TM9SF3: variants seen among roughly 807,000 people sequenced by gnomAD.
TM9SF3 encodes transmembrane 9 superfamily member 3, also known as SM-11044-binding protein.
In TM9SF3, 14 loss-of-function variants were observed where a neutral mutation model predicts 78.6. The ratio of observed to expected loss-of-function variants is 0.18; its 90% CI spans 0.12 to 0.28. The LOEUF is 0.28. Ranked by LOEUF, TM9SF3 falls within the 10% of genes least tolerant of loss-of-function variation. The pLI, the probability that TM9SF3 is intolerant of heterozygous loss-of-function variation, is 1.00. For synonymous variants in TM9SF3, 231 were observed against 241.7 expected (o/e 0.96, Z 0.41); for missense variants, 496 against 721.9 (o/e 0.69, Z 3.59).
Position 96,521,346 on chromosome 10 carries a change from ACCC to A in TM9SF3, c.*914_*916del, listed in dbSNP as rs961043085. On this transcript the variant is annotated 3_prime_UTR_variant, in exon 15 of 15. Coordinates refer to ENST00000371142, the MANE Select transcript of TM9SF3 (RefSeq NM_020123.4). ...TTAATGTTATATACATTTATTACCC[ACCC>A]CCCTTGTTTTTAATAATTTCTTATG... The A allele has an allele frequency of 6.5e-6, 1 of 153,258 alleles. No homozygotes were observed. Among genetic ancestry groups the A allele is most frequent in the Admixed American group, 6.6e-5 (1 of 15,160 alleles). 9.5% of individuals were successfully genotyped at this position (153,258 alleles called of 1,614,324 possible).
At chr10:96,532,596 T>C (rs1368596928) in intron 10 of TM9SF3, among the ~76,000 whole-genome samples, 2 of 152,192 alleles carry the variant, frequency 1.3e-5, no homozygotes, top group African/African-American at 4.8e-5. Context: ...TCTGGAAAGA[T>C]AGTAAATATT....
chr10:96,536,350 C>CA (rs1370703325), intron 9 of TM9SF3, among the ~76,000 whole-genome samples: 2 of 151,766 alleles, frequency 1.3e-5, no homozygotes, highest in Non-Finnish European at 1.5e-5. Context: ...ACATACAGAT[C>CA]AAAAAAGAGA....
At chr10:96,531,834 G>A (rs983852434) in intron 10 of TM9SF3, among the ~76,000 whole-genome samples, 5 of 152,076 alleles carry the variant, frequency 3.3e-5, no homozygotes, top group Admixed American at 6.5e-5. Flanking sequence ...TTCTGACTAT[G>A]CTTTTCCTTT....
In TM9SF3 at chr10:96,544,080, G is replaced by C. The variant is rs752522052; in HGVS notation, c.1181C>G (p.Thr394Arg). ...YHASRAIPFG[T>R]MVAVCCICFF... ...AGTAAGATTCAAGCAACTCACCATT[G>C]TTCCAAAAGGAATGGCTCTTGAAGC... Residue 394 changes from threonine (T) to arginine (R), a missense_variant, in exon 9 of 15, where the codon ACA becomes AGA. By Grantham distance (71) the Thr-to-Arg change is moderately conservative. Transcript: ENST00000371142. 1.9e-6 allele frequency: 3 copies of C among 1,607,044 alleles called. No homozygotes were observed. The highest frequency in any genetic ancestry group is 1.7e-6 in the Non-Finnish European group (2 of 1,177,834).
At chr10:96,565,576 G>A (rs1589459527) in intron 2 of TM9SF3, 150 bp from the exon 3 acceptor site, 5 of 827,022 alleles carry the variant, frequency 6.0e-6, no homozygotes, top group Non-Finnish European at 8.8e-6. Context: ...TGTGGGTTCA[G>A]TGTACTATTC....
At chr10:96,559,222 G>T (rs1288867262) in intron 5 of TM9SF3, among the ~76,000 whole-genome samples, 1 of 152,190 alleles carries the variant, frequency 6.6e-6, no homozygotes, top group East Asian at 1.9e-4. Context: ...AAGTGCCCAT[G>T]TAGGGAAGCC....
At chr10:96,549,516 G>C (rs1430649118) in intron 7 of TM9SF3, among the ~76,000 whole-genome samples, 1 of 152,112 alleles carries the variant, frequency 6.6e-6, no homozygotes, top group African/African-American at 2.4e-5. Context: ...CTGTAGAATG[G>C]AAATAGAATA....
At chr10:96,550,745 G>GA (rs1554946364) in intron 7 of TM9SF3, among the ~76,000 whole-genome samples, 1 of 151,110 alleles carries the variant, frequency 6.6e-6, no homozygotes, top group Non-Finnish European at 1.5e-5. Context: ...TGACCTAGGA[G>GA]TTTTTTTTTC....
At chr10:96,531,625 G>A (rs1679771897) in intron 10 of TM9SF3, among the ~76,000 whole-genome samples, 1 of 152,140 alleles carries the variant, frequency 6.6e-6, no homozygotes, top group South Asian at 2.1e-4. Flanking sequence ...AGACACAGAG[G>A]TTAAAAGTGA....
At chr10:96,570,676 T>C (rs111378230) in intron 2 of TM9SF3, among the ~76,000 whole-genome samples, 20 of 152,132 alleles carry the variant, frequency 1.3e-4, no homozygotes, top group African/African-American at 4.8e-4. Context: ...TTAAAACCCA[T>C]TAAAATGTCA....
intron 1 of TM9SF3, among the ~76,000 whole-genome samples, chr10:96,585,392 A>T (rs1848617847): frequency 6.6e-6 from 1 of 152,232 alleles, no homozygotes; most frequent in South Asian, 2.1e-4. Flanking sequence ...GAGACAGCTT[A>T]TCTGATGAAA....
In TM9SF3 at chr10:96,562,216, GTTTTTTTTTT is replaced by G; in HGVS notation, c.422-88_422-79del. On this transcript the variant is annotated intron_variant, in intron 3 of 14. Transcript: ENST00000371142. ...ATCCTACAAGCTAAATGCTCATTAA[GTTTTTTTTTT>G]TTTTTTTTTTACCTCCGCCCTCTCT... 3 of 560,868 alleles carry G rather than the reference GTTTTTTTTTT, an allele frequency of 5.3e-6. No individual in the cohort carries two copies. The South Asian group carries it at 6.8e-5, about 13-fold the overall frequency. The allele number at this position is 560,868 out of a possible 1,614,324, so 34.7% of individuals were successfully genotyped here.
intron 14 of TM9SF3, among the ~76,000 whole-genome samples, chr10:96,524,571 A>G (rs1413556673): frequency 6.6e-6 from 1 of 151,914 alleles, no homozygotes; most frequent in African/African-American, 2.4e-5. Flanking sequence ...TCAAGAATAA[A>G]CTTACAAGGG....
chr10:96,568,773 A>C (rs780646545), intron 2 of TM9SF3, among the ~76,000 whole-genome samples: 2 of 152,122 alleles, frequency 1.3e-5, no homozygotes, highest in Non-Finnish European at 2.9e-5. Flanking sequence ...GGTGAGGTTT[A>C]TTCTGAGCTC....
At chr10:96,539,702 T>C (rs1453292921) in intron 9 of TM9SF3, among the ~76,000 whole-genome samples, 1 of 152,188 alleles carries the variant, frequency 6.6e-6, no homozygotes, top group Non-Finnish European at 1.5e-5. Context: ...TTATCATATG[T>C]TAATTTTACC....
chr10:96,573,004 C>T (rs549295735), intron 2 of TM9SF3, among the ~76,000 whole-genome samples: 2 of 152,204 alleles, frequency 1.3e-5, no homozygotes, highest in African/African-American at 4.8e-5. Flanking sequence ...TGGAGCCTGA[C>T]ACAGTCTAAT....
At chr10:96,545,354 AG>A (rs1229947808) in intron 8 of TM9SF3, among the ~76,000 whole-genome samples, 1 of 152,246 alleles carries the variant, frequency 6.6e-6, no homozygotes, top group Non-Finnish European at 1.5e-5. Flanking sequence ...CATCTGTTAC[AG>A]AATTATTACC....
chr10:96,552,057 TG>T (rs1353042507), intron 6 of TM9SF3, among the ~76,000 whole-genome samples: 3 of 152,156 alleles, frequency 2.0e-5, no homozygotes, highest in African/African-American at 7.2e-5. Context: ...TCTGTTTTGG[TG>T]GGGAGAATCC....
At chr10:96,525,067 C>T (rs1430783636) in intron 14 of TM9SF3, among the ~76,000 whole-genome samples, 1 of 151,920 alleles carries the variant, frequency 6.6e-6, no homozygotes, top group Non-Finnish European at 1.5e-5. Flanking sequence ...TCTGGGTCTT[C>T]CTAAGATCAC....
Sources: allele counts gnomAD v4.1 joint callset (sites outside exome capture counted in the v4.1 genomes callset), GRCh38; gene constraint gnomAD v4.1.1; transcripts MANE v1.5; gene names NCBI Gene and HGNC (gene_info 2026-07-23, HGNC 2026-07-21).